Variants in ARID3B observed in about 807,000 individuals in gnomAD.
ARID3B encodes AT-rich interaction domain 3B, also known as AT-rich interactive domain-containing protein 3B.
In ARID3B, 10 loss-of-function variants were observed where a neutral mutation model predicts 51.9. The observed-to-expected ratio is 0.19, with a 90% CI of 0.12 to 0.33. The LOEUF (loss-of-function observed/expected upper bound fraction) is 0.33. ARID3B is among the 10% of genes least tolerant of loss of function. The pLI is 1.00. For synonymous variants in ARID3B, 205 were observed against 279.5 expected (o/e 0.73, Z 2.66); for missense variants, 483 against 716.3 (o/e 0.67, Z 3.72).
chr15:74,588,405 G>T (rs776128461), intron 4 of ARID3B, among the ~76,000 whole-genome samples: 4 of 152,076 alleles, frequency 2.6e-5, no homozygotes, highest in Admixed American at 1.3e-4. Context: ...GAAAGAAGGC[G>T]GATGGAGCAG....
intron 2 of ARID3B, among the ~76,000 whole-genome samples, chr15:74,568,515 C>T (rs917475578): frequency 1.6e-4 from 24 of 152,322 alleles, no homozygotes; most frequent in African/African-American, 5.5e-4. Context: ...ATAACCACTT[C>T]TACATTATAG....
chr15:74,558,558 CA>C (rs899720432), intron 2 of ARID3B, among the ~76,000 whole-genome samples: 395 of 145,784 alleles, frequency 2.7e-3, no homozygotes, highest in African/African-American at 8.9e-3. Flanking sequence ...TTCATACATA[CA>C]AAAAAAAAAG....
chr15:74,572,921 A>C lies in ARID3B; in HGVS notation c.612A>C (p.Arg204=), dbSNP rs1204629118. 1 of 1,614,068 alleles carries C rather than the reference A, an allele frequency of 6.2e-7. No individual in the cohort carries two copies. Among genetic ancestry groups the C allele is most frequent in the African/African-American group, 1.3e-5 (1 of 74,922 alleles). ...GAGGCCGGGGAAGAGAGATCTCTCG[A>C]GATTTTGCCAAGGTCTGTAATACTT... ...ADGGRGREIS[R]DFAKLYELDG... is the part of the protein sequence containing the mutation. Residue 204 remains arginine (R), a synonymous_variant, in exon 3 of 9, where the codon CGA becomes CGC. Coordinates refer to ENST00000346246, the MANE Select transcript of ARID3B (RefSeq NM_006465.4).
In ARID3B at chr15:74,597,434, A is replaced by C; in HGVS notation, c.*1660A>C. The stretch of plus-strand genomic sequence containing the variant: ...AAGCTTGAGCACAAACAGATACCTC[A>C]GCCCGGTAAGCTGCAGCTCTGCTCA... On this transcript the variant is annotated 3_prime_UTR_variant, in exon 9 of 9. Transcript: ENST00000346246. The C allele has an allele frequency of 2.1e-6, 1 of 479,656 alleles. No individual in the cohort carries two copies. The highest frequency in any genetic ancestry group is 4.0e-6 in the Non-Finnish European group (1 of 253,018). The allele number at this position is 479,656 out of a possible 1,614,324, so 29.7% of individuals were successfully genotyped here. A position where few individuals can be genotyped will look rare whatever the true frequency, so the allele number is the denominator to read the frequency against.
chr15:74,588,922 C>T (rs2061791919), intron 4 of ARID3B, among the ~76,000 whole-genome samples: 1 of 151,368 alleles, frequency 6.6e-6, no homozygotes, highest in Non-Finnish European at 1.5e-5. Context: ...CCTGTGTGTC[C>T]AGCAGCTCCT....
rs762042540 is a variant in ARID3B at position 74,593,202 on chromosome 15, C to G, written c.1485C>G (p.Asn495Lys). The G allele has an allele frequency of 3.1e-6, 5 of 1,613,638 alleles. No homozygotes were observed. Among genetic ancestry groups the G allele is most frequent in the Non-Finnish European group, 4.2e-6 (5 of 1,179,958 alleles). The change falls in exon 8 of 9, where the codon AAC becomes AAG. Residue 495 changes from asparagine (N) to lysine (K), a missense_variant. Around this residue, in one of 3 missense-constraint regions of ARID3B, gnomAD observed 265 missense variants for 354.4 expected, o/e 0.75. Coordinates refer to ENST00000346246, the MANE Select transcript of ARID3B (RefSeq NM_006465.4). ...CCACGAGTAGCATTGGGAGCATTAA[C>G]ATGTCTGTGGACATCGATGGCACCA... ...NLTTSSIGSI[N>K]MSVDIDGTTY...
chr15:74,554,811 T>C (rs1388997264), intron 2 of ARID3B, among the ~76,000 whole-genome samples: 2 of 152,174 alleles, frequency 1.3e-5, no homozygotes, highest in Non-Finnish European at 2.9e-5. Context: ...CTCAGAGATA[T>C]TGCAGGTTCA....
In ARID3B at chr15:74,591,876, T is replaced by A; in HGVS notation, c.1420+62T>A. ...AAACCCCAAGCCCATTCACGCCTCC[T>A]GGGACTGGTGGGGCAGGGGTGGTGA... On this transcript the variant is annotated intron_variant, in intron 7 of 8. Coordinates refer to ENST00000346246, the MANE Select transcript of ARID3B (RefSeq NM_006465.4). This position sits in a 1 kb window ranked among gnomAD's most constrained non-coding sequence, Gnocchi z 5.8. The A allele has an allele frequency of 1.9e-6, 3 of 1,572,510 alleles. No individual in the cohort carries two copies. The highest frequency in any genetic ancestry group is 2.6e-6 in the Non-Finnish European group (3 of 1,156,486).
At chr15:74,546,060 A>T (rs1354624987) in intron 2 of ARID3B, among the ~76,000 whole-genome samples, 1 of 152,084 alleles carries the variant, frequency 6.6e-6, no homozygotes, top group Non-Finnish European at 1.5e-5. Context: ...CATCACATAG[A>T]CATGCCTCTG....
chr15:74,546,657 G>A (rs745453694), intron 2 of ARID3B, among the ~76,000 whole-genome samples: 12 of 152,184 alleles, frequency 7.9e-5, no homozygotes, highest in Non-Finnish European at 1.5e-4. Context: ...AACTCTTTGC[G>A]TTCACTTTAT....
intron 4 of ARID3B, among the ~76,000 whole-genome samples, chr15:74,575,904 TTTTTAA>T (rs2061735849): frequency 6.6e-6 from 1 of 152,190 alleles, no homozygotes; most frequent in Non-Finnish European, 1.5e-5. Flanking sequence ...TAGGATTTTG[TTTTTAA>T]TTTTGAGACA....
At chr15:74,565,616 T>G (rs553042436) in intron 2 of ARID3B, among the ~76,000 whole-genome samples, 1 of 152,300 alleles carries the variant, frequency 6.6e-6, no homozygotes, top group South Asian at 2.1e-4. Flanking sequence ...AATCCTAAAA[T>G]AGCCTAGATA....
chr15:74,578,878 A>T (rs780662169), intron 4 of ARID3B, among the ~76,000 whole-genome samples: 6 of 152,208 alleles, frequency 3.9e-5, no homozygotes, highest in Non-Finnish European at 7.3e-5. Flanking sequence ...TGGGCAACAG[A>T]GTGAGACCTT....
Position 74,597,409 on chromosome 15 carries a change from A to G in ARID3B, c.*1635A>G. On this transcript the variant is annotated 3_prime_UTR_variant, in exon 9 of 9. Transcript: ENST00000346246. ...TGTGTAGGAGAGGAAAGGGAATCAAAAGCTTGAGCACAAACAGATACCTCA... is the reference window on the plus strand; with the variant it reads ...TGTGTAGGAGAGGAAAGGGAATCAAGAGCTTGAGCACAAACAGATACCTCA... 2.2e-6 allele frequency: 1 copy of G among 449,564 alleles called. No homozygotes were observed. Among genetic ancestry groups the G allele is most frequent in the Non-Finnish European group, 4.2e-6 (1 of 236,960 alleles). The allele number at this position is 449,564 out of a possible 1,614,324, so 27.8% of individuals were successfully genotyped here.
intron 4 of ARID3B, chr15:74,573,827 T>C: frequency 6.6e-6 from 1 of 152,662 alleles, no homozygotes; most frequent in Non-Finnish European, 1.5e-5. Context: ...CTGCAACCTC[T>C]GCCTCCCGTG....
intron 2 of ARID3B, among the ~76,000 whole-genome samples, chr15:74,554,282 T>A (rs1367296762): frequency 1.3e-5 from 2 of 151,858 alleles, no homozygotes; most frequent in Non-Finnish European, 2.9e-5. Context: ...GTGCTGAGAT[T>A]ACAGGCATGA....
chr15:74,577,702 TTG>T (rs908052757), intron 4 of ARID3B, among the ~76,000 whole-genome samples: 9 of 151,546 alleles, frequency 5.9e-5, no homozygotes, highest in South Asian at 2.1e-4. Context: ...TTCTGTTTTT[TTG>T]TGTGTGTGTG....
Position 74,591,867 on chromosome 15 carries a change from C to A in ARID3B, c.1420+53C>A. The A allele has an allele frequency of 6.3e-7, 1 of 1,585,112 alleles. No homozygotes were observed. The highest frequency in any genetic ancestry group is 8.6e-7 in the Non-Finnish European group (1 of 1,162,838). ...CCTTCCTGGAAACCCCAAGCCCATTCACGCCTCCTGGGACTGGTGGGGCAG... is the reference window on the plus strand; with the variant it reads ...CCTTCCTGGAAACCCCAAGCCCATTAACGCCTCCTGGGACTGGTGGGGCAG... On this transcript the variant is annotated intron_variant, in intron 7 of 8. Transcript: ENST00000346246. The surrounding 1 kb of genome is among the most constrained non-coding windows in gnomAD (Gnocchi z 5.8).
chr15:74,549,564 TAAA>T (rs372965973), intron 2 of ARID3B, among the ~76,000 whole-genome samples: 12 of 122,466 alleles, frequency 9.8e-5, no homozygotes, highest in Admixed American at 1.7e-4. Context: ...TGAGATGGTG[TAAA>T]AAAAAAAAAA....
Sources: allele counts gnomAD v4.1 joint callset (sites outside exome capture counted in the v4.1 genomes callset), GRCh38; gene constraint gnomAD v4.1.1; regional missense constraint gnomAD v4.1.1; non-coding constraint Gnocchi (gnomAD v3.1); transcripts MANE v1.5; gene names NCBI Gene and HGNC (gene_info 2026-07-23, HGNC 2026-07-21).